CDH9: variants seen among roughly 807,000 people sequenced by gnomAD.
CDH9 encodes cadherin-9.
Under a neutral mutation model 70.9 loss-of-function variants are expected in CDH9, and 28 were observed. The observed-to-expected ratio is 0.40, with a 90% CI of 0.29 to 0.54. The LOEUF (loss-of-function observed/expected upper bound fraction) is 0.54, where lower values mean the gene tolerates loss of function less well. Among genes scored for constraint, CDH9 ranks in the 20% least tolerant of loss-of-function variants. The probability of loss-of-function intolerance (pLI) is 0.59; values close to 1 mark genes in which losing one functional copy is unlikely to be tolerated. For missense variants in CDH9, 874 were observed against 984.4 expected (o/e 0.89, Z 1.50); for synonymous variants, 409 against 343.1 (o/e 1.19, Z -2.12).
intron 2 of CDH9, among the ~76,000 whole-genome samples, chr5:26,943,512 CAAAA>C (rs5866812): frequency 2.5e-5 from 3 of 122,196 alleles, no homozygotes; most frequent in Admixed American, 8.2e-5. Context: ...GACTCCATCT[CAAAA>C]AAAAAAAAAA....
intron 2 of CDH9, among the ~76,000 whole-genome samples, chr5:26,957,462 G>T (rs1348888259): frequency 6.6e-6 from 1 of 152,054 alleles, no homozygotes; most frequent in Admixed American, 6.6e-5. Context: ...AGGAGTTCCA[G>T]ACAAGCCTGG....
At chr5:26,950,603 T>C (rs1275884273) in intron 2 of CDH9, among the ~76,000 whole-genome samples, 1 of 152,198 alleles carries the variant, frequency 6.6e-6, no homozygotes. Flanking sequence ...TCAGTGACGA[T>C]TTTTAATAAA....
intron 1 of CDH9, among the ~76,000 whole-genome samples, chr5:27,036,049 C>A (rs1743387586): frequency 1.3e-5 from 2 of 151,846 alleles, no homozygotes; most frequent in South Asian, 4.1e-4. Flanking sequence ...ACATTAATTG[C>A]ATATTTTATA....
intron 1 of CDH9, among the ~76,000 whole-genome samples, chr5:27,029,643 G>A (rs1743277338): frequency 6.6e-6 from 1 of 151,926 alleles, no homozygotes; most frequent in Non-Finnish European, 1.5e-5. Flanking sequence ...AAATTTAAAT[G>A]TAAGGCAATG....
intron 3 of CDH9, among the ~76,000 whole-genome samples, chr5:26,911,851 G>A (rs981120642): frequency 1.3e-5 from 2 of 152,042 alleles, no homozygotes. Context: ...ACCGAAAATG[G>A]GTTGGGCATT....
chr5:26,943,616 T>G (rs1158578330), intron 2 of CDH9, among the ~76,000 whole-genome samples: 1 of 152,024 alleles, frequency 6.6e-6, no homozygotes, highest in Non-Finnish European at 1.5e-5. Context: ...GCTAAGACTG[T>G]TTAAAGGCAG....
intron 2 of CDH9, among the ~76,000 whole-genome samples, chr5:26,939,729 A>G (rs1741625494): frequency 6.6e-6 from 1 of 152,178 alleles, no homozygotes; most frequent in African/African-American, 2.4e-5. Flanking sequence ...ATATTTATGA[A>G]GATGTTTATC....
chr5:26,906,934 T>C, intron 3 of CDH9, 96 bp from the exon 4 acceptor site: 2 of 1,374,908 alleles, frequency 1.5e-6, no homozygotes, highest in Non-Finnish European at 1.9e-6. Flanking sequence ...TGTTTTGTAT[T>C]AGACGATGTT....
intron 7 of CDH9, among the ~76,000 whole-genome samples, chr5:26,897,714 A>C (rs2111981809): frequency 6.6e-6 from 1 of 152,324 alleles, no homozygotes; most frequent in African/African-American, 2.4e-5. Flanking sequence ...CCAATATCAT[A>C]CTGAATGGGC....
intron 11 of CDH9, among the ~76,000 whole-genome samples, chr5:26,884,727 C>T (rs1317131736): frequency 4.6e-5 from 7 of 152,142 alleles, no homozygotes; most frequent in Admixed American, 4.6e-4. Flanking sequence ...AAGGAGCTAG[C>T]ACATACGAGC....
rs2112024455 is a variant in CDH9, at chr5:26,931,575, C to G, written c.229-15651G>C. ...TACATTGCGTGAGTAAAGAGTACAT[C>G]ATAAGAAAAAAATTCAAGCTAAAAT... is the stretch of plus-strand genomic sequence containing the variant. On this transcript the variant is annotated intron_variant, in intron 2 of 11. Coordinates refer to ENST00000231021, the MANE Select transcript of CDH9 (RefSeq NM_016279.4). 1.3e-5 allele frequency among the ~76,000 whole-genome samples: 2 copies of G among 152,084 alleles called. 1 individual carries two copies. Among genetic ancestry groups the G allele is most frequent in the South Asian group, 4.1e-4 (2 of 4,824 alleles).
At chr5:26,983,719 T>C (rs1002306027) in intron 2 of CDH9, among the ~76,000 whole-genome samples, 1 of 115,166 alleles carries the variant, frequency 8.7e-6, no homozygotes, top group Admixed American at 7.6e-5. Flanking sequence ...CAAACCTTTA[T>C]AAACATATTT....
intron 1 of CDH9, among the ~76,000 whole-genome samples, chr5:27,022,938 C>CT (rs146112141): frequency 0.021 from 3,166 of 148,624 alleles, 128 homozygotes; most frequent in African/African-American, 0.074. Flanking sequence ...TTGTATTGTT[C>CT]TTTTTTTTTT....
intron 1 of CDH9, among the ~76,000 whole-genome samples, chr5:27,035,336 G>T (rs1012203433): frequency 1.3e-5 from 2 of 151,348 alleles, no homozygotes; most frequent in African/African-American, 4.8e-5. Context: ...AATGTCATGG[G>T]TATTGAGAAT....
Position 26,885,785 on chromosome 5 carries a change from A to G in CDH9, c.1711T>C (p.Phe571Leu). Residue 571 changes from phenylalanine (F) to leucine (L), a missense_variant, in exon 11 of 12, where the codon TTT becomes CTT. Coordinates refer to ENST00000231021, the MANE Select transcript of CDH9 (RefSeq NM_016279.4). Reference protein sequence around the residue: ...MSTYLLPILIFDNDYPIQSST... With the variant: ...MSTYLLPILILDNDYPIQSST... ...CTTTGAATTGGATAATCGTTGTCAA[A>G]GATTAAAATCGGCAATAAGTAGGTG... 6.2e-7 allele frequency: 1 copy of G among 1,613,884 alleles called. No homozygotes were observed. Among genetic ancestry groups the G allele is most frequent in the Non-Finnish European group, 8.5e-7 (1 of 1,179,864 alleles).
intron 6 of CDH9, 100 bp from the exon 7 acceptor site, chr5:26,902,829 C>T (rs1244968658): frequency 1.6e-6 from 1 of 641,896 alleles, no homozygotes; most frequent in Admixed American, 2.8e-5. Context: ...ATTATACCAA[C>T]AATTCTATTT....
At chr5:26,969,836 A>T (rs970178514) in intron 2 of CDH9, among the ~76,000 whole-genome samples, 1 of 132,772 alleles carries the variant, frequency 7.5e-6, no homozygotes, top group East Asian at 2.3e-4. Flanking sequence ...TTAGATGTTC[A>T]TTTTCCTTGT....
intron 1 of CDH9, among the ~76,000 whole-genome samples, chr5:27,037,029 G>C (rs536415392): frequency 1.2e-4 from 18 of 151,970 alleles, no homozygotes; most frequent in Non-Finnish European, 2.1e-4. Context: ...GACACACATT[G>C]CCTAGGCAAT....
At chr5:26,971,780 C>T (rs923295737) in intron 2 of CDH9, among the ~76,000 whole-genome samples, 5 of 152,078 alleles carry the variant, frequency 3.3e-5, no homozygotes, top group Non-Finnish European at 2.9e-5. Context: ...CACACACACA[C>T]ACCCATATGT....
Sources: gnomAD v4.1 joint callset for allele counts (sites outside exome capture counted in the v4.1 genomes callset) on GRCh38, gnomAD v4.1.1 for gene constraint, MANE v1.5 for transcripts, NCBI Gene and HGNC (gene_info 2026-07-23, HGNC 2026-07-21) for gene names.